The following IL1RAP variants were observed in gnomAD, a reference collection of about 807,000 sequenced individuals.
The protein encoded by IL1RAP is interleukin 1 receptor accessory protein.
A neutral mutation model predicts 60.7 loss-of-function variants in IL1RAP; 35 were observed. That is an observed-to-expected ratio of 0.58 (90% CI 0.44 to 0.76). The LOEUF (loss-of-function observed/expected upper bound fraction) is 0.76, where lower values mean the gene tolerates loss of function less well. Among genes scored for constraint, IL1RAP ranks in the 30% least tolerant of loss-of-function variants. The pLI, the probability that IL1RAP is intolerant of heterozygous loss-of-function variation, is 0.00. For synonymous variants in IL1RAP, 268 were observed against 250.9 expected (o/e 1.07, Z -0.64); for missense variants, 572 against 693.9 (o/e 0.82, Z 1.97).
At chr3:190,630,329 A>G (rs1732677008) in intron 9 of IL1RAP, 2 of 340,064 alleles carry the variant, frequency 5.9e-6, no homozygotes, top group Non-Finnish European at 8.3e-6. Context: ...CACCTAACAC[A>G]GAATCCCAGA....
intron 6 of IL1RAP, among the ~76,000 whole-genome samples, chr3:190,622,023 G>A (rs1393652172): frequency 3.4e-5 from 5 of 148,516 alleles, no homozygotes; most frequent in East Asian, 1.9e-4. Context: ...CTAATGTGCC[G>A]GCCTTAACAT....
chr3:190,632,802 G>C (rs572698169), intron 9 of IL1RAP, among the ~76,000 whole-genome samples: 1 of 152,148 alleles, frequency 6.6e-6, no homozygotes, highest in Non-Finnish European at 1.5e-5. Context: ...TTAGTGTTTT[G>C]TTTTTCCACA....
intron 3 of IL1RAP, among the ~76,000 whole-genome samples, chr3:190,602,149 C>A (rs908075872): frequency 6.6e-6 from 1 of 151,956 alleles, no homozygotes; most frequent in Admixed American, 6.6e-5. Flanking sequence ...TTCAAATGAT[C>A]GTTAAAAATA....
intron 9 of IL1RAP, among the ~76,000 whole-genome samples, chr3:190,632,770 C>T (rs919344446): frequency 3.9e-5 from 6 of 152,116 alleles, no homozygotes; most frequent in Non-Finnish European, 8.8e-5. Context: ...TTTTTTAATA[C>T]TCTGAGGTAC....
chr3:190,558,708 A>G (rs943795622), intron 2 of IL1RAP, among the ~76,000 whole-genome samples: 1 of 152,190 alleles, frequency 6.6e-6, no homozygotes, highest in African/African-American at 2.4e-5. Context: ...CTATTTTCAT[A>G]TAAATATCAG....
At chr3:190,532,354 C>G (rs1241969961) in intron 1 of IL1RAP, among the ~76,000 whole-genome samples, 1 of 151,136 alleles carries the variant, frequency 6.6e-6, no homozygotes, top group Non-Finnish European at 1.5e-5. Flanking sequence ...GCTTCGCCTC[C>G]TGGGTTCACG....
rs749216359 is a variant in IL1RAP at position 190,644,241 on chromosome 3, A to C, written c.1052-7A>C. On this transcript the variant is annotated splice_region_variant and splice_polypyrimidine_tract_variant and intron_variant, in intron 9 of 11. Transcript: ENST00000447382. ...AATCAATTCTGTTTCTTTGTTGTTC[A>C]TTCCAGTGCCAGCTCCAAGATACAC... 1.9e-5 allele frequency: 30 copies of C among 1,610,590 alleles called. No individual in the cohort carries two copies. The highest frequency in any genetic ancestry group is 2.5e-5 in the Non-Finnish European group (30 of 1,178,434).
chr3:190,603,100 G>T (rs892562124), intron 3 of IL1RAP, among the ~76,000 whole-genome samples: 4 of 151,930 alleles, frequency 2.6e-5, no homozygotes, highest in Non-Finnish European at 5.9e-5. Context: ...AAGCCATTAC[G>T]CACAAGGACA....
chr3:190,657,542 C>T (rs1560252817), exon 12 of IL1RAP: 1 of 152,262 alleles, frequency 6.6e-6, no homozygotes, highest in South Asian at 2.1e-4. Flanking sequence ...CAAGTGCCTA[C>T]AAGGATCAGA....
intron 1 of IL1RAP, among the ~76,000 whole-genome samples, chr3:190,550,659 C>G (rs1241207846): frequency 6.6e-6 from 1 of 152,196 alleles, no homozygotes; most frequent in Non-Finnish European, 1.5e-5. Context: ...TTGCTCAGAA[C>G]TAGAATATTG....
intron 1 of IL1RAP, among the ~76,000 whole-genome samples, chr3:190,526,105 G>A (rs141443129): frequency 3.3e-5 from 5 of 152,276 alleles, no homozygotes; most frequent in African/African-American, 7.2e-5. Flanking sequence ...TACTGGGCCC[G>A]TGCACATATA....
chr3:190,559,973 G>C (rs2108615661), intron 2 of IL1RAP, among the ~76,000 whole-genome samples: 1 of 152,172 alleles, frequency 6.6e-6, no homozygotes, highest in Non-Finnish European at 1.5e-5. Context: ...TTCATTTGCT[G>C]ATAAATATTA....
At chr3:190,596,336 G>C (rs1267388083) in intron 3 of IL1RAP, among the ~76,000 whole-genome samples, 1 of 151,002 alleles carries the variant, frequency 6.6e-6, no homozygotes, top group African/African-American at 2.4e-5. Context: ...AAACATCCTA[G>C]CTCTATAGTC....
At chr3:190,599,534 A>G (rs568977274) in intron 3 of IL1RAP, among the ~76,000 whole-genome samples, 1 of 151,512 alleles carries the variant, frequency 6.6e-6, no homozygotes, top group East Asian at 1.9e-4. Flanking sequence ...AGTTTGCAGA[A>G]TCCTCTCTTT....
intron 3 of IL1RAP, among the ~76,000 whole-genome samples, chr3:190,601,268 G>A (rs1368727283): frequency 1.3e-5 from 2 of 152,302 alleles, no homozygotes; most frequent in Non-Finnish European, 2.9e-5. Context: ...ACAGGCGTGA[G>A]CCACCATGCC....
chr3:190,576,210 A>G (rs916381878), intron 3 of IL1RAP, among the ~76,000 whole-genome samples: 1 of 152,352 alleles, frequency 6.6e-6, no homozygotes, highest in East Asian at 1.9e-4. Context: ...ACATTTGTAG[A>G]TATGTCATCA....
chr3:190,568,282 T>C (rs1226738122), intron 3 of IL1RAP, among the ~76,000 whole-genome samples: 1 of 152,124 alleles, frequency 6.6e-6, no homozygotes, highest in East Asian at 1.9e-4. Flanking sequence ...TTCTACCTGT[T>C]TGATAGTTTA....
chr3:190,645,818 G>A lies in IL1RAP; in HGVS notation c.1321G>A (p.Asp441Asn). The change falls in exon 11 of 12, where the codon GAC becomes AAC. Residue 441 changes from aspartate to asparagine, a missense_variant. Physicochemically the swap from Asp to Asn is conservative, Grantham distance 23 (BLOSUM62 1). Coordinates refer to ENST00000447382, the MANE Select transcript of IL1RAP (RefSeq NM_002182.4). ...ATTTGGATACAAGCTGTGCATCTTT[G>A]ACCGAGACAGTCTGCCTGGGGGAAG... is the stretch of plus-strand genomic sequence containing the variant. ...NEFGYKLCIF[D>N]RDSLPGGIVT... is the part of the protein sequence containing the mutation. 6.2e-7 allele frequency: 1 copy of A among 1,613,528 alleles called. No individual in the cohort carries two copies. Among genetic ancestry groups the A allele is most frequent in the Non-Finnish European group, 8.5e-7 (1 of 1,179,696 alleles).
chr3:190,598,921 CTT>C (rs1230120090), intron 3 of IL1RAP, among the ~76,000 whole-genome samples: 1 of 152,090 alleles, frequency 6.6e-6, no homozygotes, highest in Non-Finnish European at 1.5e-5. Context: ...TATTACGTCT[CTT>C]AGTTTTTGAA....
Sources: allele counts gnomAD v4.1 joint callset (sites outside exome capture counted in the v4.1 genomes callset), GRCh38; gene constraint gnomAD v4.1.1; transcripts MANE v1.5; gene names NCBI Gene and HGNC (gene_info 2026-07-23, HGNC 2026-07-21).